Variants in BBS9 observed in about 807,000 individuals in gnomAD.
BBS9 encodes Bardet-Biedl syndrome 9, also known as protein PTHB1.
In BBS9, 89 loss-of-function variants were observed where a neutral mutation model predicts 117.7. The observed-to-expected ratio is 0.76, with a 90% CI of 0.64 to 0.90. The LOEUF is 0.90. Among genes scored for constraint, BBS9 ranks in the 40% least tolerant of loss-of-function variants. BBS9 has a pLI of 0.00. For missense variants in BBS9, 982 were observed against 1,042.2 expected, an observed-to-expected ratio of 0.94 and a Z score of 0.80; for synonymous variants, 379 against 370.9, an observed-to-expected ratio of 1.02 and a Z score of -0.25.
intron 17 of BBS9, among the ~76,000 whole-genome samples, chr7:33,373,824 A>G (rs1823305368): frequency 6.6e-6 from 1 of 152,206 alleles, no homozygotes; most frequent in Admixed American, 6.5e-5. Flanking sequence ...TTCAGGTATA[A>G]TAGAAGGATT....
At chr7:33,367,694 C>T (rs1004093929) in intron 16 of BBS9, 73 bp from the exon 17 acceptor site, 1 of 1,253,392 alleles carries the variant, frequency 8.0e-7, no homozygotes, top group Non-Finnish European at 1.2e-6. Context: ...CATCATTCAA[C>T]TAAGGTTCCT....
At chr7:33,504,313 C>T (rs1029269772) in intron 19 of BBS9, among the ~76,000 whole-genome samples, 1 of 152,194 alleles carries the variant, frequency 6.6e-6, no homozygotes, top group African/African-American at 2.4e-5. Context: ...CAAGGACCTT[C>T]AGTTGCTCTG....
In BBS9 at chr7:33,344,599, G is replaced by A; in HGVS notation, c.1294G>A (p.Val432Met). The A allele has an allele frequency of 6.2e-7, 1 of 1,614,086 alleles. No individual in the cohort carries two copies. Among genetic ancestry groups the A allele is most frequent in the South Asian group, 1.1e-5 (1 of 91,082 alleles). The change falls in exon 12 of 23, where the codon GTG becomes ATG. Residue 432 changes from valine to methionine, a missense_variant. Coordinates refer to ENST00000242067, the MANE Select transcript of BBS9 (RefSeq NM_198428.3). ...TTTACAGCAAGCGACCGATGTTGAG[G>A]TGGGAACTGACCTTGTCCCTTCTGT... The part of the protein sequence containing the change: ...DSVSQATDVE[V>M]GTDLVPSVTV...
chr7:33,166,984 G>T (rs1795805737), intron 4 of BBS9, among the ~76,000 whole-genome samples: 1 of 152,212 alleles, frequency 6.6e-6, no homozygotes, highest in Admixed American at 6.5e-5. Context: ...GGGAGCTGCA[G>T]ATCAGAGCTG....
chr7:33,136,056 T>C (rs1287832484), intron 1 of BBS9, among the ~76,000 whole-genome samples: 3 of 152,158 alleles, frequency 2.0e-5, no homozygotes, highest in Non-Finnish European at 4.4e-5. Flanking sequence ...CCTGTGTAGC[T>C]AGTATTACAG....
intron 21 of BBS9, among the ~76,000 whole-genome samples, chr7:33,575,402 G>A (rs2700688): frequency 1.3e-5 from 2 of 151,870 alleles, no homozygotes; most frequent in African/African-American, 4.8e-5. Flanking sequence ...GCTCTGAAAT[G>A]GAGGCAATAA....
chr7:33,457,373 G>A (rs926141865), intron 19 of BBS9, among the ~76,000 whole-genome samples: 1 of 152,146 alleles, frequency 6.6e-6, no homozygotes, highest in African/African-American at 2.4e-5. Context: ...TTGAGAAATA[G>A]GATAGGAAGA....
In BBS9 at chr7:33,373,116, T is replaced by G. The variant is rs149170242; in HGVS notation, c.1789+5254T>G. Among the ~76,000 whole-genome samples, 522 of 152,246 alleles carry G rather than the reference T, an allele frequency of 3.4e-3. 7 individuals are homozygous for G. The highest frequency in any genetic ancestry group is 0.011 in the African/African-American group (476 of 41,564). ...TTGTTGATCTTTTGTATTGTTTTGA[T>G]GCTTAGCACAATGAATGAGAAAGTA... On this transcript the variant is annotated intron_variant, in intron 17 of 22. Coordinates refer to ENST00000242067, the MANE Select transcript of BBS9 (RefSeq NM_198428.3).
In BBS9 at chr7:33,410,545, G is replaced by T. The variant is rs144080838; in HGVS notation, c.2115+22401G>T. On this transcript the variant is annotated intron_variant, in intron 19 of 22. Transcript: ENST00000242067. ...TATTCTGTCTTGTCAGAAAGATTGA[G>T]ACTCTCAGCTATGTCTCCCTCATTG... 6.9e-3 allele frequency among the ~76,000 whole-genome samples: 1,046 copies of T among 152,258 alleles called. 14 individuals are homozygous for T. The highest frequency in any genetic ancestry group is 0.024 in the African/African-American group (1,007 of 41,524).
chr7:33,274,943 C>T (rs554377995), intron 9 of BBS9, among the ~76,000 whole-genome samples: 4 of 139,282 alleles, frequency 2.9e-5, no homozygotes, highest in South Asian at 4.5e-4. Flanking sequence ...TGCAGTGAGC[C>T]GAGATCACAC....
chr7:33,208,751 AG>A (rs1056336996), intron 5 of BBS9, among the ~76,000 whole-genome samples: 1 of 152,010 alleles, frequency 6.6e-6, no homozygotes, highest in Non-Finnish European at 1.5e-5. Flanking sequence ...CTAGGAGGGT[AG>A]GGGGAAGTGG....
At chr7:33,544,002 C>T (rs1463003997) in intron 21 of BBS9, among the ~76,000 whole-genome samples, 2 of 152,092 alleles carry the variant, frequency 1.3e-5, no homozygotes, top group Non-Finnish European at 2.9e-5. Flanking sequence ...TGAGACTTTC[C>T]AGAGCATTTT....
At chr7:33,630,821 T>G (rs780505826) in intron 21 of BBS9, among the ~76,000 whole-genome samples, 5 of 152,216 alleles carry the variant, frequency 3.3e-5, no homozygotes, top group African/African-American at 4.8e-5. Context: ...CATTTATGCA[T>G]TCTTTCAGCC....
At chr7:33,577,713 T>C (rs1408552285) in intron 21 of BBS9, among the ~76,000 whole-genome samples, 2 of 152,194 alleles carry the variant, frequency 1.3e-5, no homozygotes, top group African/African-American at 4.8e-5. Flanking sequence ...CATGGAATAC[T>C]ATACAGCCAT....
chr7:33,473,859 C>T (rs1426736386), intron 19 of BBS9, among the ~76,000 whole-genome samples: 1 of 152,134 alleles, frequency 6.6e-6, no homozygotes. Flanking sequence ...TGCTCAAAGG[C>T]AGGGAATCAT....
intron 19 of BBS9, among the ~76,000 whole-genome samples, chr7:33,448,014 C>A (rs1837245950): frequency 6.6e-6 from 1 of 152,132 alleles, no homozygotes; most frequent in Non-Finnish European, 1.5e-5. Context: ...CAAAAACACC[C>A]AATCTATTTT....
At chr7:33,603,554 T>C (rs1864124875) in intron 21 of BBS9, among the ~76,000 whole-genome samples, 2 of 152,132 alleles carry the variant, frequency 1.3e-5, no homozygotes, top group South Asian at 4.1e-4. Context: ...GTGTAGTGTG[T>C]AGGAATTAAG....
intron 21 of BBS9, among the ~76,000 whole-genome samples, chr7:33,578,775 A>C (rs1467451235): frequency 6.6e-6 from 1 of 152,200 alleles, no homozygotes; most frequent in Non-Finnish European, 1.5e-5. Context: ...GAGCTGTTAA[A>C]ATCTATCCCA....
At chr7:33,232,284 G>C (rs918176869) in intron 5 of BBS9, among the ~76,000 whole-genome samples, 1 of 151,694 alleles carries the variant, frequency 6.6e-6, no homozygotes, top group Non-Finnish European at 1.5e-5. Context: ...AAATTATACA[G>C]GTAATCTATT....
Sources: gnomAD v4.1 joint callset for allele counts (sites outside exome capture counted in the v4.1 genomes callset) on GRCh38, gnomAD v4.1.1 for gene constraint, MANE v1.5 for transcripts, NCBI Gene and HGNC (gene_info 2026-07-23, HGNC 2026-07-21) for gene names.